GNAQ: variants seen among roughly 807,000 people sequenced by gnomAD.
GNAQ encodes G protein subunit alpha q, also known as guanine nucleotide-binding protein G(q) subunit alpha.
GNAQ carries 8 observed loss-of-function variants against 43.9 expected under a neutral mutation model. That is an observed-to-expected ratio of 0.18 (90% CI 0.11 to 0.33). GNAQ has a LOEUF of 0.33. Among genes scored for constraint, GNAQ ranks in the 10% least tolerant of loss-of-function variants. The probability of loss-of-function intolerance (pLI) is 1.00; values close to 1 mark genes in which losing one functional copy is unlikely to be tolerated. For missense variants in GNAQ, 158 were observed against 450.8 expected (o/e 0.35, Z 5.88); for synonymous variants, 155 against 170.7 (o/e 0.91, Z 0.71).
rs962728746 is a variant in GNAQ at position 77,863,718 on chromosome 9, C to T, written c.322-47948G>A. ...GAGGTTTAATGGACTTACAGTTCCA[C>T]GTGGCTGGGGAGGCCTCACAATCAT... On this transcript the variant is annotated intron_variant, in intron 2 of 6. Transcript: ENST00000286548. 8.5e-5 allele frequency among the ~76,000 whole-genome samples: 13 copies of T among 152,248 alleles called. No individual in the cohort carries two copies. The South Asian group carries it at 1.0e-3, about 12-fold the overall frequency.
At position 77,815,790 on chromosome 9, in the gene GNAQ, C is replaced by T. The variant is rs1487020796; in HGVS notation, c.322-20G>A. 1.3e-6 allele frequency: 2 copies of T among 1,591,854 alleles called. No individual in the cohort carries two copies. The highest frequency in any genetic ancestry group is 1.7e-6 in the Non-Finnish European group (2 of 1,164,082). ...ATGAGCCTGTTTAAATAAAAAAAGG[C>T]AGTTTTAATACCCTATTACTTTCCA... On this transcript the variant is annotated intron_variant, in intron 2 of 6. Coordinates refer to ENST00000286548, the MANE Select transcript of GNAQ (RefSeq NM_002072.5).
At chr9:77,910,037 G>T (rs1275428686) in intron 2 of GNAQ, among the ~76,000 whole-genome samples, 5 of 152,152 alleles carry the variant, frequency 3.3e-5, no homozygotes, top group Admixed American at 2.6e-4. Context: ...CATAGCAGGT[G>T]TAAGTAATTT....
intron 2 of GNAQ, among the ~76,000 whole-genome samples, chr9:77,906,745 C>A (rs1057182655): frequency 2.0e-5 from 3 of 152,210 alleles, no homozygotes; most frequent in African/African-American, 7.2e-5. Flanking sequence ...TATTAACATA[C>A]TTTGCTGCTA....
chr9:78,027,628 G>C (rs979247122), intron 1 of GNAQ, among the ~76,000 whole-genome samples: 2 of 151,918 alleles, frequency 1.3e-5, no homozygotes, highest in African/African-American at 2.4e-5. Flanking sequence ...GTGCATGCCT[G>C]TAATCCAAGC....
chr9:77,906,426 T>C (rs570070335), intron 2 of GNAQ, among the ~76,000 whole-genome samples: 26 of 152,344 alleles, frequency 1.7e-4, no homozygotes, highest in East Asian at 9.6e-4. Context: ...TGGATGGCAA[T>C]TGAATAATCT....
At chr9:77,980,415 G>A (rs1053071549) in intron 1 of GNAQ, among the ~76,000 whole-genome samples, 1 of 152,062 alleles carries the variant, frequency 6.6e-6, no homozygotes, top group Non-Finnish European at 1.5e-5. Context: ...TATTATTCTT[G>A]TCATAAAACT....
intron 5 of GNAQ, among the ~76,000 whole-genome samples, chr9:77,737,389 G>C (rs1315285504): frequency 6.6e-6 from 1 of 152,176 alleles, no homozygotes; most frequent in Non-Finnish European, 1.5e-5. Flanking sequence ...CTAGGAGATG[G>C]GTAATTGCCA....
intron 4 of GNAQ, 80 bp downstream of exon 4, chr9:77,797,440 G>T: frequency 1.9e-6 from 2 of 1,039,196 alleles, no homozygotes; most frequent in Non-Finnish European, 1.5e-6. Flanking sequence ...GCCTACACAT[G>T]ATTCCAGTAT....
intron 1 of GNAQ, among the ~76,000 whole-genome samples, chr9:78,021,876 A>G (rs1036732589): frequency 2.0e-5 from 3 of 152,264 alleles, no homozygotes; most frequent in Non-Finnish European, 4.4e-5. Flanking sequence ...CCCAGTCCTG[A>G]GCCGAGCAGC....
At chr9:77,765,607 A>G (rs1026093529) in intron 5 of GNAQ, among the ~76,000 whole-genome samples, 3 of 152,390 alleles carry the variant, frequency 2.0e-5, no homozygotes, top group African/African-American at 4.8e-5. Context: ...AAAACAGGAA[A>G]TAAGTGTTGG....
At chr9:77,812,975 C>T (rs565032893) in intron 3 of GNAQ, among the ~76,000 whole-genome samples, 33 of 151,854 alleles carry the variant, frequency 2.2e-4, no homozygotes, top group Admixed American at 1.1e-3. Context: ...TGATTGATCT[C>T]GATCTTGGCT....
At chr9:77,960,836 C>T (rs1325725668) in intron 1 of GNAQ, among the ~76,000 whole-genome samples, 1 of 152,078 alleles carries the variant, frequency 6.6e-6, no homozygotes, top group Non-Finnish European at 1.5e-5. Context: ...TAAGAGTTTA[C>T]ATCCTTTCCT....
intron 2 of GNAQ, among the ~76,000 whole-genome samples, chr9:77,893,309 T>A (rs1828434002): frequency 6.6e-6 from 1 of 152,306 alleles, no homozygotes; most frequent in African/African-American, 2.4e-5. Context: ...GTCATCCTCA[T>A]TGCTCAATTA....
At chr9:77,899,024 G>A (rs1828549583) in intron 2 of GNAQ, among the ~76,000 whole-genome samples, 1 of 152,230 alleles carries the variant, frequency 6.6e-6, no homozygotes, top group South Asian at 2.1e-4. Flanking sequence ...CTTATTGATA[G>A]ATATTTGGCT....
intron 1 of GNAQ, among the ~76,000 whole-genome samples, chr9:77,965,800 T>C (rs766344382): frequency 6.6e-6 from 1 of 150,876 alleles, no homozygotes; most frequent in Non-Finnish European, 1.5e-5. Context: ...CCCCTGGTAA[T>C]GTGTTCCAGC....
At chr9:77,893,279 G>A (rs1198461285) in intron 2 of GNAQ, among the ~76,000 whole-genome samples, 3 of 152,194 alleles carry the variant, frequency 2.0e-5, no homozygotes, top group Non-Finnish European at 2.9e-5. Flanking sequence ...AAACTAAGAT[G>A]TCCGTGAAAG....
intron 1 of GNAQ, among the ~76,000 whole-genome samples, chr9:78,017,364 G>GAA (rs1823852354): frequency 6.6e-6 from 1 of 152,098 alleles, no homozygotes; most frequent in African/African-American, 2.4e-5. Context: ...ATGCACGGAG[G>GAA]AAACACTAAA....
Position 77,896,551 on chromosome 9 carries a change from AC to A in GNAQ, c.321+25609del, listed in dbSNP as rs1271536835. ...ACGACAATGCCAACTGTCATGCCTA[AC>A]AAAAGAAAGAATAATTTCTTGGTAT... On this transcript the variant is annotated intron_variant, in intron 2 of 6. Transcript: ENST00000286548. Among the ~76,000 whole-genome samples the A allele has an allele frequency of 2.0e-5, 3 of 152,352 alleles. No individual in the cohort carries two copies. The East Asian group carries it at 5.8e-4, about 29-fold the overall frequency.
chr9:78,004,697 G>A (rs1387780763), intron 1 of GNAQ, among the ~76,000 whole-genome samples: 1 of 151,964 alleles, frequency 6.6e-6, no homozygotes, highest in African/African-American at 2.4e-5. Flanking sequence ...AACATAAAAC[G>A]TCATAGGAGT....
Sources: gnomAD v4.1 joint callset for allele counts (sites outside exome capture counted in the v4.1 genomes callset) on GRCh38, gnomAD v4.1.1 for gene constraint, MANE v1.5 for transcripts, NCBI Gene and HGNC (gene_info 2026-07-23, HGNC 2026-07-21) for gene names.